PPFIA3: variants seen among roughly 807,000 people sequenced by gnomAD.
PPFIA3 encodes liprin-alpha-3.
PPFIA3 carries 26 observed loss-of-function variants against 145.8 expected under a neutral mutation model. The ratio of observed to expected loss-of-function variants is 0.18; its 90% CI spans 0.13 to 0.25. PPFIA3 has a LOEUF of 0.25. PPFIA3 is among the 10% of genes least tolerant of loss of function. The probability of loss-of-function intolerance (pLI) is 1.00; values close to 1 mark genes in which losing one functional copy is unlikely to be tolerated. For synonymous variants in PPFIA3, 645 were observed against 661.4 expected (o/e 0.98, Z 0.38); for missense variants, 1,008 against 1,587.8 (o/e 0.63, Z 6.21).
rs4002348 is a variant in PPFIA3, at chr19:49,140,639, C to CTTTTTTTT, written c.2368+572_2368+579dup. Among the ~76,000 whole-genome samples, 29 of 63,826 alleles carry CTTTTTTTT rather than the reference C, an allele frequency of 4.5e-4. 1 individual carries two copies. Among genetic ancestry groups the CTTTTTTTT allele is most frequent in the African/African-American group, 1.6e-3 (21 of 12,748 alleles). 41.9% of individuals were successfully genotyped at this position (63,826 alleles called of 152,430 possible). On this transcript the variant is annotated intron_variant, in intron 18 of 29. Transcript: ENST00000334186. Reference sequence around the variant, plus strand: ...GTGCTGGGATTACAGACTCATTTACCTTTTTTTTTTTTTTTTTTTTTTTTT... The same window carrying CTTTTTTTT: ...GTGCTGGGATTACAGACTCATTTACCTTTTTTTTTTTTTTTTTTTTTTTTTTTTTTTTT...
At chr19:49,143,184 T>C (rs1458996329) in intron 21 of PPFIA3, among the ~76,000 whole-genome samples, 180 bp downstream of exon 21, 1 of 152,168 alleles carries the variant, frequency 6.6e-6, no homozygotes, top group African/African-American at 2.4e-5. Context: ...CCTGTGGTAC[T>C]CCAGGAGGGG....
chr19:49,134,938 G>A (rs773980975), intron 13 of PPFIA3, 23 bp downstream of exon 13: 8 of 1,525,594 alleles, frequency 5.2e-6, no homozygotes, highest in Middle Eastern at 1.8e-4. Flanking sequence ...CTTCTGCCCT[G>A]CCCCCACCAT....
intron 13 of PPFIA3, 78 bp downstream of exon 13, chr19:49,134,993 A>T: frequency 8.0e-7 from 1 of 1,250,008 alleles, no homozygotes; most frequent in South Asian, 1.6e-5. Context: ...TCTGATCCCC[A>T]CTTCCTGTCC....
At chr19:49,132,423 A>AAG (rs1262016121) in intron 7 of PPFIA3, among the ~76,000 whole-genome samples, 3 of 149,226 alleles carry the variant, frequency 2.0e-5, no homozygotes, top group Non-Finnish European at 4.5e-5. Context: ...AAAAAAAAGA[A>AAG]AGAGAGAGAG....
chr19:49,149,418 T>C lies in PPFIA3; in HGVS notation c.3354+93T>C. 6.3e-7 allele frequency: 1 copy of C among 1,588,584 alleles called. No homozygotes were observed. The highest frequency in any genetic ancestry group is 8.6e-7 in the Non-Finnish European group (1 of 1,158,178). ...GGGGCCTGACTATTAATGGTCACGG[T>C]TGGAGGCGGGGCCAGGAGAGGGGCG... On this transcript the variant is annotated intron_variant, in intron 27 of 29. Transcript: ENST00000334186. The surrounding 1 kb of genome is among the most constrained non-coding windows in gnomAD (Gnocchi z 5.7).
intron 11 of PPFIA3, among the ~76,000 whole-genome samples, 188 bp downstream of exon 11, chr19:49,134,353 A>G (rs1050600235): frequency 6.6e-6 from 1 of 152,144 alleles, no homozygotes; most frequent in African/African-American, 2.4e-5. Flanking sequence ...ACGTTCCAAG[A>G]GCCGAATTCT....
intron 23 of PPFIA3, among the ~76,000 whole-genome samples, chr19:49,146,874 G>A: frequency 6.6e-6 from 1 of 152,128 alleles, no homozygotes; most frequent in East Asian, 1.9e-4. Context: ...AGGTTGCACT[G>A]AGCCGAGATT....
Position 49,128,658 on chromosome 19 carries a change from C to G in PPFIA3, c.342+190C>G. The G allele has an allele frequency of 2.7e-6, 2 of 750,184 alleles. No individual in the cohort carries two copies. The highest frequency in any genetic ancestry group is 4.3e-6 in the Non-Finnish European group (2 of 469,102). 46.5% of individuals were successfully genotyped at this position (750,184 alleles called of 1,614,324 possible). A position where few individuals can be genotyped will look rare whatever the true frequency, so the allele number is the denominator to read the frequency against. ...GGTGCCACTCCTTCCTCCCTGTCTC[C>G]ATAACTTTTCTCTTTTCTGTACCAC... On this transcript the variant is annotated intron_variant, in intron 3 of 29. Transcript: ENST00000334186. This position sits in a 1 kb window ranked among gnomAD's most constrained non-coding sequence, Gnocchi z 4.1.
chr19:49,136,825 G>A lies in PPFIA3; in HGVS notation c.1767G>A (p.Glu589=), dbSNP rs1471364371. 1 of 1,591,194 alleles carries A rather than the reference G, an allele frequency of 6.3e-7. No individual in the cohort carries two copies. Among genetic ancestry groups the A allele is most frequent in the Non-Finnish European group, 8.6e-7 (1 of 1,168,984 alleles). ...EEEAEGMFGA[E]LLSPSGQADV... is the part of the protein sequence containing the mutation. Reference sequence around the variant, plus strand: ...AGGCAGAGGGGATGTTTGGGGCCGAGCTGCTGTCCCCCAGTGGGCAGGCTG... The same window carrying A: ...AGGCAGAGGGGATGTTTGGGGCCGAACTGCTGTCCCCCAGTGGGCAGGCTG... The change falls in exon 15 of 30, where the codon GAG becomes GAA. Residue 589 remains glutamate, a synonymous_variant. Transcript: ENST00000334186.
At chr19:49,134,979 C>G in intron 13 of PPFIA3, 64 bp downstream of exon 13, 1 of 1,352,076 alleles carries the variant, frequency 7.4e-7, no homozygotes, top group East Asian at 2.4e-5. Context: ...CCAAGCTCCT[C>G]CCTTCTGATC....
Position 49,128,146 on chromosome 19 carries a change from G to A in PPFIA3, c.240+33G>A. ...CGGGACAGGGGCGGGGCATGAGGGG[G>A]CGGGGCCTCGGGGGGAAGAAGGCGG... On this transcript the variant is annotated intron_variant, in intron 2 of 29. Coordinates refer to ENST00000334186, the MANE Select transcript of PPFIA3 (RefSeq NM_003660.4). This position sits in a 1 kb window ranked among gnomAD's most constrained non-coding sequence, Gnocchi z 4.1. 1.4e-6 allele frequency: 2 copies of A among 1,479,560 alleles called. No individual in the cohort carries two copies. Among genetic ancestry groups the A allele is most frequent in the Non-Finnish European group, 1.8e-6 (2 of 1,117,170 alleles). The allele number at this position is 1,479,560 out of a possible 1,614,324, so 91.7% of individuals were successfully genotyped here. A position where few individuals can be genotyped will look rare whatever the true frequency, so the allele number is the denominator to read the frequency against.
chr19:49,136,745 G>A lies in PPFIA3; in HGVS notation c.1687G>A (p.Ala563Thr). 1 of 1,551,726 alleles carries A rather than the reference G, an allele frequency of 6.4e-7. No homozygotes were observed. The highest frequency in any genetic ancestry group is 2.3e-5 in the East Asian group (1 of 43,390). ...ATAGGATTGGGAGCGGTCTGCCCCT[G>A]CGGGCTCCATACCACCCCCATTCCC... The part of the protein sequence containing the change: ...PSKDWERSAP[A>T]GSIPPPFPGE... The change falls in exon 15 of 30, where the codon GCG (alanine) becomes ACG (threonine). Residue 563 changes from alanine (A) to threonine (T), a missense_variant. Around this residue, in one of 11 missense-constraint regions of PPFIA3, gnomAD observed 121 missense variants for 138.2 expected, o/e 0.88. Coordinates refer to ENST00000334186, the MANE Select transcript of PPFIA3 (RefSeq NM_003660.4).
intron 20 of PPFIA3, 67 bp downstream of exon 20, chr19:49,142,182 C>T: frequency 7.1e-7 from 1 of 1,415,816 alleles, no homozygotes; most frequent in Non-Finnish European, 9.7e-7. Flanking sequence ...CTGGTAGGGG[C>T]TGCCTGGTCC....
chr19:49,138,416 A>G lies in PPFIA3; in HGVS notation c.2065A>G (p.Thr689Ala), dbSNP rs754167575. The stretch of plus-strand genomic sequence containing the variant: ...ACCCCCTAGCCCTGCCCGTGAGGGC[A>G]CCGACAAGGCTGTGAGTGCTCTGAA... The part of the protein sequence containing the change: ...LAPPSPAREG[T>A]DKANHVPKEE... The change falls in exon 16 of 30, where the codon ACC becomes GCC. Residue 689 changes from threonine (T) to alanine (A), a missense_variant. Physicochemically the swap from Thr to Ala is moderately conservative, Grantham distance 58. This residue lies in a region of PPFIA3 where 202 missense variants were observed against 241.8 expected (regional missense o/e 0.84). Coordinates refer to ENST00000334186, the MANE Select transcript of PPFIA3 (RefSeq NM_003660.4). 17 of 1,546,610 alleles carry G rather than the reference A, an allele frequency of 1.1e-5. No individual in the cohort carries two copies. In the South Asian group the frequency reaches 2.1e-4, roughly 19 times the overall value.
intron 24 of PPFIA3, 81 bp from the exon 25 acceptor site, chr19:49,148,585 G>C: frequency 3.5e-6 from 4 of 1,127,108 alleles, no homozygotes; most frequent in Non-Finnish European, 5.3e-6. Flanking sequence ...GAAGAGCGCA[G>C]CCAGTGGGGA....
intron 21 of PPFIA3, 132 bp from the exon 22 acceptor site, chr19:49,145,809 TTC>T (rs2041273000): frequency 1.3e-6 from 1 of 772,804 alleles, no homozygotes; most frequent in Non-Finnish European, 2.3e-6. Context: ...ATCATTCCTT[TTC>T]TCTGTTACTG....
In PPFIA3 at chr19:49,150,386, G is replaced by A; in HGVS notation, c.*164G>A. Reference sequence around the variant, plus strand: ...CAGCGGGAGTGCGCGCGCCCGCCTCGCACAGGGCCGGGGCCTGGACCAAAC... The same window carrying A: ...CAGCGGGAGTGCGCGCGCCCGCCTCACACAGGGCCGGGGCCTGGACCAAAC... On this transcript the variant is annotated 3_prime_UTR_variant, in exon 30 of 30. Transcript: ENST00000334186. The A allele has an allele frequency of 2.2e-6, 1 of 457,422 alleles. No homozygotes were observed. The highest frequency in any genetic ancestry group is 3.3e-5 in the South Asian group (1 of 30,026). The allele number at this position is 457,422 out of a possible 1,614,324, so 28.3% of individuals were successfully genotyped here. A position where few individuals can be genotyped will look rare whatever the true frequency, so the allele number is the denominator to read the frequency against.
chr19:49,129,413 G>C lies in PPFIA3; in HGVS notation c.541G>C (p.Val181Leu). 1 of 1,552,038 alleles carries C rather than the reference G, an allele frequency of 6.4e-7. No homozygotes were observed. The highest frequency in any genetic ancestry group is 8.7e-7 in the Non-Finnish European group (1 of 1,148,046). The change falls in exon 5 of 30, where the codon GTG (valine) becomes CTG (leucine). Residue 181 changes from valine (V) to leucine (L), a missense_variant. Transcript: ENST00000334186. ...RERLRMALER[V>L]AVLEEELELS... is the part of the protein sequence containing the mutation. Reference sequence around the variant, plus strand: ...GCGGCTGCGGATGGCGCTGGAGCGCGTGGCAGTGCTCGAGGAGGAGCTGGA... The same window carrying C: ...GCGGCTGCGGATGGCGCTGGAGCGCCTGGCAGTGCTCGAGGAGGAGCTGGA...
At chr19:49,141,762 T>TA (rs535693688) in intron 19 of PPFIA3, among the ~76,000 whole-genome samples, 2 of 146,542 alleles carry the variant, frequency 1.4e-5, no homozygotes, top group African/African-American at 2.6e-5. Flanking sequence ...TTTCTTTTTT[T>TA]AAAAATTTTT....
Sources: allele counts gnomAD v4.1 joint callset (sites outside exome capture counted in the v4.1 genomes callset), GRCh38; gene constraint gnomAD v4.1.1; regional missense constraint gnomAD v4.1.1; non-coding constraint Gnocchi (gnomAD v3.1); transcripts MANE v1.5; gene names NCBI Gene and HGNC (gene_info 2026-07-23, HGNC 2026-07-21).